Variants in MPHOSPH10 observed in about 807,000 individuals in gnomAD.
The protein encoded by MPHOSPH10 is U3 small nucleolar ribonucleoprotein MPP10.
A neutral mutation model predicts 77.3 loss-of-function variants in MPHOSPH10; 33 were observed. The ratio of observed to expected loss-of-function variants is 0.43; its 90% CI spans 0.32 to 0.57. The LOEUF is 0.57. Among genes scored for constraint, MPHOSPH10 ranks in the 20% least tolerant of loss-of-function variants. The probability of loss-of-function intolerance (pLI) is 0.07; values close to 1 mark genes in which losing one functional copy is unlikely to be tolerated. For synonymous variants in MPHOSPH10, 245 were observed against 268.0 expected, an observed-to-expected ratio of 0.91 and a Z score of 0.84; for missense variants, 708 against 780.1, an observed-to-expected ratio of 0.91 and a Z score of 1.10.
In MPHOSPH10 at chr2:71,149,043, G is replaced by A. The variant is rs180991604; in HGVS notation, c.1666-180G>A. 1.5e-4 allele frequency: 91 copies of A among 624,458 alleles called. 1 individual carries two copies. In the Admixed American group the frequency reaches 2.6e-3, roughly 18 times the overall value. 38.7% of individuals were successfully genotyped at this position (624,458 alleles called of 1,614,324 possible). On this transcript the variant is annotated intron_variant, in intron 9 of 10. Transcript: ENST00000244230. ...TGTGCCTGTCAAAGAATGCATTTCAGGTTTTAAAGAGCTGAGTTACCAACG... is the reference window on the plus strand; with the variant it reads ...TGTGCCTGTCAAAGAATGCATTTCAAGTTTTAAAGAGCTGAGTTACCAACG...
Position 71,141,388 on chromosome 2 carries a change from C to A in MPHOSPH10, c.1446+19C>A, listed in dbSNP as rs748656532. On this transcript the variant is annotated intron_variant, in intron 7 of 10. Coordinates refer to ENST00000244230, the MANE Select transcript of MPHOSPH10 (RefSeq NM_005791.3). ...CAACCAGGTGAGGAAGCCTGTAAGG[C>A]CAAGCCATTATTATTAAAGAAATAG... 1 of 1,466,018 alleles carries A rather than the reference C, an allele frequency of 6.8e-7. No individual in the cohort carries two copies. Among genetic ancestry groups the A allele is most frequent in the Non-Finnish European group, 9.0e-7 (1 of 1,109,870 alleles). The allele number at this position is 1,466,018 out of a possible 1,614,324, so 90.8% of individuals were successfully genotyped here.
At chr2:71,137,998 C>T (rs1673529030) in intron 4 of MPHOSPH10, among the ~76,000 whole-genome samples, 2 of 151,708 alleles carry the variant, frequency 1.3e-5, no homozygotes, top group African/African-American at 4.8e-5. Context: ...GAGGCTGAGG[C>T]AGGAGAATTG....
At chr2:71,143,076 G>T (rs115856700) in intron 7 of MPHOSPH10, among the ~76,000 whole-genome samples, 2,425 of 151,850 alleles carry the variant, frequency 0.016, 31 homozygotes, top group Non-Finnish European at 0.025. Flanking sequence ...GAACAAAAAA[G>T]TCCCTACCAT....
intron 2 of MPHOSPH10, 112 bp downstream of exon 2, chr2:71,133,688 C>A: frequency 8.5e-7 from 1 of 1,178,692 alleles, no homozygotes; most frequent in Non-Finnish European, 1.2e-6. Flanking sequence ...AAATATTGTG[C>A]TCTATCTTAT....
At chr2:71,136,848 CT>C (rs60456435) in intron 4 of MPHOSPH10, among the ~76,000 whole-genome samples, 38,184 of 118,474 alleles carry the variant, frequency 0.32, 6,338 homozygotes, top group South Asian at 0.44. Flanking sequence ...AACTTTCAAC[CT>C]TTTTTTTTTT....
Position 71,149,171 on chromosome 2 carries a change from C to T in MPHOSPH10, c.1666-52C>T, listed in dbSNP as rs1402987224. ...CCTGCAGTTTCTTCCATTCCAGTTT[C>T]CTAGTTGTTAAACTTGATGAATGAA... is the stretch of plus-strand genomic sequence containing the variant. On this transcript the variant is annotated intron_variant, in intron 9 of 10. Transcript: ENST00000244230. The T allele has an allele frequency of 3.4e-6, 5 of 1,479,028 alleles. No individual in the cohort carries two copies. In the African/African-American group the frequency reaches 5.7e-5, roughly 17 times the overall value. The allele number at this position is 1,479,028 out of a possible 1,614,324, so 91.6% of individuals were successfully genotyped here.
Position 71,149,929 on chromosome 2 carries a change from G to A in MPHOSPH10, c.1960G>A (p.Val654Ile). Residue 654 changes from valine to isoleucine, a missense_variant, in exon 11 of 11, where the codon GTA (valine) becomes ATA (isoleucine). Transcript: ENST00000244230. Reference sequence around the variant, plus strand: ...ATTCTTTTCTAAATTACAAGATCAAGTAAAAATGCAAATCAATGATGCAAA... The same window carrying A: ...ATTCTTTTCTAAATTACAAGATCAAATAAAAATGCAAATCAATGATGCAAA... ...QAFFSKLQDQ[V>I]KMQINDAKKT... The A allele has an allele frequency of 2.5e-6, 4 of 1,571,972 alleles. No homozygotes were observed. The highest frequency in any genetic ancestry group is 3.4e-6 in the Non-Finnish European group (4 of 1,163,154).
intron 7 of MPHOSPH10, among the ~76,000 whole-genome samples, chr2:71,142,474 A>T (rs1177126856): frequency 2.6e-5 from 4 of 152,214 alleles, no homozygotes; most frequent in Admixed American, 2.6e-4. Context: ...TGTTAGTTTC[A>T]TTTCTCTCTT....
Position 71,133,048 on chromosome 2 carries a change from G to C in MPHOSPH10, c.240G>C (p.Leu80=), listed in dbSNP as rs1673417363. Residue 80 remains leucine, a synonymous_variant, in exon 2 of 11, where the codon CTG becomes CTC. Transcript: ENST00000244230. ...ATGATGAGCAGATTTGGCAACAACT[G>C]GAATTGCAAAATGAACCAATTTTAC... The part of the protein sequence containing the change: ...NFDDEQIWQQ[L]ELQNEPILQY... 6.2e-7 allele frequency: 1 copy of C among 1,613,960 alleles called. No homozygotes were observed. The highest frequency in any genetic ancestry group is 1.3e-5 in the African/African-American group (1 of 74,906).
chr2:71,133,055 C>A lies in MPHOSPH10; in HGVS notation c.247C>A (p.Gln83Lys). 4 of 1,614,072 alleles carry A rather than the reference C, an allele frequency of 2.5e-6. No individual in the cohort carries two copies. Among genetic ancestry groups the A allele is most frequent in the Non-Finnish European group, 3.4e-6 (4 of 1,180,008 alleles). ...DEQIWQQLEL[Q>K]NEPILQYFQN... Reference sequence around the variant, plus strand: ...GCAGATTTGGCAACAACTGGAATTGCAAAATGAACCAATTTTACAATACTT... The same window carrying A: ...GCAGATTTGGCAACAACTGGAATTGAAAAATGAACCAATTTTACAATACTT... Residue 83 changes from glutamine to lysine, a missense_variant, in exon 2 of 11, where the codon CAA (glutamine) becomes AAA (lysine). Transcript: ENST00000244230.
At chr2:71,135,272 G>T (rs1459244941) in intron 4 of MPHOSPH10, among the ~76,000 whole-genome samples, 1 of 152,086 alleles carries the variant, frequency 6.6e-6, no homozygotes, top group African/African-American at 2.4e-5. Flanking sequence ...TCTGCTGGGC[G>T]TGGTGGCTCA....
chr2:71,139,061 AT>A, intron 5 of MPHOSPH10: 1 of 344,180 alleles, frequency 2.9e-6, no homozygotes, highest in East Asian at 5.8e-5. Flanking sequence ...AAATCAACTT[AT>A]AAACACAGAA....
In MPHOSPH10 at chr2:71,130,640, C is replaced by T. The variant is rs371575220; in HGVS notation, c.-26C>T. ...GGCGGCTCCCTTCCCTTGCATGCTG[C>T]ATTGTGTCGGGAGTTGCTGACAGCC... On this transcript the variant is annotated 5_prime_UTR_variant, in exon 1 of 11. Coordinates refer to ENST00000244230, the MANE Select transcript of MPHOSPH10 (RefSeq NM_005791.3). 1.3e-6 allele frequency: 2 copies of T among 1,596,282 alleles called. No homozygotes were observed. The highest frequency in any genetic ancestry group is 1.7e-6 in the Non-Finnish European group (2 of 1,170,510).
chr2:71,136,530 AAAAG>A (rs1038081258), intron 4 of MPHOSPH10, among the ~76,000 whole-genome samples: 3 of 151,904 alleles, frequency 2.0e-5, no homozygotes, highest in Admixed American at 6.6e-5. Flanking sequence ...ATTAAAAAAA[AAAAG>A]AGAACAGGCA....
intron 8 of MPHOSPH10, 34 bp from the exon 9 acceptor site, chr2:71,147,965 T>C (rs750780922): frequency 1.9e-6 from 3 of 1,550,576 alleles, no homozygotes; most frequent in Non-Finnish European, 8.9e-7. Context: ...GAGTCCCTTC[T>C]GGCTTCCCAT....
chr2:71,139,048 A>C (rs537690004), intron 5 of MPHOSPH10: 8 of 378,044 alleles, frequency 2.1e-5, no homozygotes, highest in African/African-American at 1.6e-4. Flanking sequence ...GTCAAAAAAG[A>C]AAAAATCAAC....
rs771294196 is a variant in MPHOSPH10 at position 71,130,742 on chromosome 2, A to C, written c.77A>C (p.Glu26Ala). ...TEVGKATGRP[E>A]CFLTIQEGLA... is the part of the protein sequence containing the mutation. ...GTCGGCAAAGCCACGGGTCGGCCCG[A>C]GTGCTTCCTCACGTAAGTGCGCAGA... The change falls in exon 1 of 11, where the codon GAG becomes GCG. Residue 26 changes from glutamate to alanine, a missense_variant. Glu to Ala is a moderately radical substitution (Grantham distance 107). This residue lies in a region of MPHOSPH10 where 433 missense variants were observed against 432.6 expected (regional missense o/e 1.00). Coordinates refer to ENST00000244230, the MANE Select transcript of MPHOSPH10 (RefSeq NM_005791.3). 1 of 1,608,986 alleles carries C rather than the reference A, an allele frequency of 6.2e-7. No individual in the cohort carries two copies. Among genetic ancestry groups the C allele is most frequent in the South Asian group, 1.1e-5 (1 of 90,728 alleles).
chr2:71,135,773 G>A (rs1673477918), intron 4 of MPHOSPH10, among the ~76,000 whole-genome samples: 1 of 146,196 alleles, frequency 6.8e-6, no homozygotes. Context: ...CGTGATCTTA[G>A]CTCACTGCAA....
At chr2:71,139,929 C>T in intron 6 of MPHOSPH10, 67 bp downstream of exon 6, 1 of 1,094,276 alleles carries the variant, frequency 9.1e-7, no homozygotes, top group African/African-American at 1.5e-5. Context: ...TGTGAGAGTA[C>T]TTTGAGAGTA....
Sources: gnomAD v4.1 joint callset for allele counts (sites outside exome capture counted in the v4.1 genomes callset) on GRCh38, gnomAD v4.1.1 for gene constraint, gnomAD v4.1.1 regional missense constraint, MANE v1.5 for transcripts, NCBI Gene and HGNC (gene_info 2026-07-23, HGNC 2026-07-21) for gene names.